The following PPEF1 variants were observed in gnomAD, a reference collection of about 807,000 sequenced individuals.
PPEF1 encodes serine/threonine-protein phosphatase with EF-hands 1.
A neutral mutation model predicts 53.3 loss-of-function variants in PPEF1; 12 were observed. The observed-to-expected ratio is 0.23, with a 90% CI of 0.14 to 0.36. PPEF1 has a LOEUF of 0.36. PPEF1 is among the 10% of genes least tolerant of loss of function. The pLI is 1.00. For missense variants in PPEF1, 334 were observed against 490.4 expected, an observed-to-expected ratio of 0.68 and a Z score of 3.01; for synonymous variants, 165 against 176.7, an observed-to-expected ratio of 0.93 and a Z score of 0.52.
At chrX:18,742,018 G>A (rs756476722) in intron 3 of PPEF1, among the ~76,000 whole-genome samples, 1 of 109,698 alleles carries the variant, frequency 9.1e-6, no homozygotes, top group Non-Finnish European at 1.9e-5. Flanking sequence ...GGCTGGTCTC[G>A]AACTCCTGGC....
At chrX:18,774,341 G>A (rs999782063) in intron 6 of PPEF1, among the ~76,000 whole-genome samples, 32 of 112,141 alleles carry the variant, frequency 2.9e-4, no homozygotes, top group African/African-American at 1.0e-3. Context: ...CGCCCACCTC[G>A]GCCTCCCAAA....
chrX:18,711,208 C>CA (rs1407375662), intron 1 of PPEF1, among the ~76,000 whole-genome samples: 3 of 103,407 alleles, frequency 2.9e-5, no homozygotes, highest in Admixed American at 1.1e-4. Flanking sequence ...TGAAATTACT[C>CA]AAAAAACAGA....
chrX:18,773,674 C>A (rs1369985201), intron 6 of PPEF1, among the ~76,000 whole-genome samples: 2 of 111,788 alleles, frequency 1.8e-5, no homozygotes, highest in Non-Finnish European at 3.8e-5. Context: ...CTTTTCCATT[C>A]ACTAGTGGTT....
intron 3 of PPEF1, among the ~76,000 whole-genome samples, chrX:18,742,442 G>T (rs2045198992): frequency 8.9e-6 from 1 of 112,097 alleles, no homozygotes; most frequent in Non-Finnish European, 1.9e-5. Context: ...AACAGGGCTT[G>T]CTGGGAACAA....
At chrX:18,681,638 G>C (rs1228498265), upstream of PPEF1, among the ~76,000 whole-genome samples, 1 of 111,914 alleles carries the variant, frequency 8.9e-6, no homozygotes, top group Non-Finnish European at 1.9e-5. Context: ...GCTCTTGGTT[G>C]CATACAACAG....
rs923255800 is a variant in PPEF1 at position 18,686,817 on chromosome X, G to C, written c.-426+586G>C. Among the ~76,000 whole-genome samples, 3 of 110,985 alleles carry C rather than the reference G, an allele frequency of 2.7e-5. No individual in the cohort carries two copies. The Admixed American group carries it at 2.9e-4, about 11-fold the overall frequency. On this transcript the variant is annotated intron_variant, in intron 3 of 21. Transcript: ENST00000361511. ...CTGCTTTATAGTTGTATTGGTTAGA[G>C]AATGTGTTTGGCTGCCTGAAATAAG...
intron 13 of PPEF1, 40 bp downstream of exon 13, chrX:18,818,185 C>A: frequency 2.2e-6 from 2 of 919,987 alleles, no homozygotes; most frequent in Non-Finnish European, 3.1e-6. Context: ...CTTAACACAC[C>A]AAGTTACATA....
chrX:18,677,670 G>A (rs1928725919), intron 1 of PPEF1, among the ~76,000 whole-genome samples: 3 of 111,502 alleles, frequency 2.7e-5, no homozygotes, highest in South Asian at 7.5e-4. Context: ...AAAAATGGAA[G>A]CAATCAGAAG....
At chrX:18,745,102 A>G (rs1214355377) in intron 3 of PPEF1, among the ~76,000 whole-genome samples, 2 of 96,229 alleles carry the variant, frequency 2.1e-5, no homozygotes, top group Non-Finnish European at 4.0e-5. Flanking sequence ...TATATTATAT[A>G]TTATATAATT....
At chrX:18,794,104 C>A (rs899266072) in intron 10 of PPEF1, among the ~76,000 whole-genome samples, 6 of 112,802 alleles carry the variant, frequency 5.3e-5, no homozygotes, top group East Asian at 5.6e-4. Flanking sequence ...ATGCCCTGGC[C>A]CACAGAGTGC....
chrX:18,798,009 T>C (rs1425657781), intron 10 of PPEF1, among the ~76,000 whole-genome samples: 1 of 110,871 alleles, frequency 9.0e-6, no homozygotes, highest in Non-Finnish European at 1.9e-5. Flanking sequence ...TGATAAGTTC[T>C]ATGGGAACAA....
intron 1 of PPEF1, among the ~76,000 whole-genome samples, chrX:18,710,724 C>T (rs1196893210): frequency 3.6e-5 from 4 of 111,323 alleles, no homozygotes; most frequent in Non-Finnish European, 3.8e-5. Flanking sequence ...TTTATCACTG[C>T]TGGTGGGAAT....
At chrX:18,815,424 A>C (rs1476309393) in intron 12 of PPEF1, among the ~76,000 whole-genome samples, 1 of 112,092 alleles carries the variant, frequency 8.9e-6, no homozygotes, top group Admixed American at 9.5e-5. Flanking sequence ...TCTTCCTTAA[A>C]TGTTTCATAG....
intron 1 of PPEF1, among the ~76,000 whole-genome samples, chrX:18,722,487 G>C (rs746408503): frequency 1.3e-3 from 146 of 112,019 alleles, no homozygotes; most frequent in Middle Eastern, 4.7e-3. Flanking sequence ...AATATGAAAT[G>C]TCTTGTTTGA....
chrX:18,726,331 C>T (rs1176301195), intron 1 of PPEF1, among the ~76,000 whole-genome samples: 1 of 106,725 alleles, frequency 9.4e-6, no homozygotes. Context: ...CCAGCCTGGG[C>T]TACAGACGAG....
At chrX:18,738,954 C>T (rs1323168785) in intron 3 of PPEF1, among the ~76,000 whole-genome samples, 1 of 112,335 alleles carries the variant, frequency 8.9e-6, no homozygotes, top group East Asian at 2.8e-4. Context: ...ATGTAATTCT[C>T]GTGCCGTGGT....
chrX:18,799,823 G>T (rs1254308051), intron 10 of PPEF1, among the ~76,000 whole-genome samples: 1 of 111,832 alleles, frequency 8.9e-6, no homozygotes, highest in Non-Finnish European at 1.9e-5. Context: ...CATTTCAGAG[G>T]ATAATGTGTT....
At chrX:18,819,173 A>G (rs1403712019) in intron 13 of PPEF1, among the ~76,000 whole-genome samples, 1 of 112,105 alleles carries the variant, frequency 8.9e-6, no homozygotes, top group Non-Finnish European at 1.9e-5. Context: ...ACCATGAGTG[A>G]GAGTCAGCAG....
intron 10 of PPEF1, among the ~76,000 whole-genome samples, chrX:18,790,724 G>A (rs191532890): frequency 1.0e-4 from 11 of 109,752 alleles, no homozygotes; most frequent in Admixed American, 2.9e-4. Flanking sequence ...TTTTGAGACA[G>A]AGTCTCGCTC....
Sources: gnomAD v4.1 joint callset for allele counts (sites outside exome capture counted in the v4.1 genomes callset) on GRCh38, gnomAD v4.1.1 for gene constraint, MANE v1.5 for transcripts, NCBI Gene and HGNC (gene_info 2026-07-23, HGNC 2026-07-21) for gene names.